The following HECW2 variants were observed in gnomAD, a reference collection of about 807,000 sequenced individuals.
HECW2 encodes HECT, C2 and WW domain containing E3 ubiquitin protein ligase 2.
HECW2 carries 61 observed loss-of-function variants against 175.2 expected under a neutral mutation model. That is an observed-to-expected ratio of 0.35 (90% CI 0.28 to 0.43). The LOEUF (loss-of-function observed/expected upper bound fraction) is 0.43. HECW2 is among the 20% of genes least tolerant of loss of function. The probability of loss-of-function intolerance (pLI) is 1.00; values close to 1 mark genes in which losing one functional copy is unlikely to be tolerated. For synonymous variants in HECW2, 671 were observed against 731.0 expected, an observed-to-expected ratio of 0.92 and a Z score of 1.32; for missense variants, 1,524 against 2,000.5, an observed-to-expected ratio of 0.76 and a Z score of 4.54.
intron 1 of HECW2, among the ~76,000 whole-genome samples, chr2:196,554,910 A>T (rs919960274): frequency 6.6e-6 from 1 of 152,198 alleles, no homozygotes; most frequent in African/African-American, 2.4e-5. Flanking sequence ...CAAGAGACCA[A>T]AAAATCCCTG....
intron 21 of HECW2, among the ~76,000 whole-genome samples, chr2:196,230,984 TC>T (rs1230483867): frequency 6.8e-6 from 1 of 147,070 alleles, no homozygotes; most frequent in African/African-American, 2.5e-5. Flanking sequence ...ATGCCTGTAA[TC>T]CCAGCTACTC....
intron 3 of HECW2, among the ~76,000 whole-genome samples, chr2:196,341,575 T>C (rs555679258): frequency 6.6e-6 from 1 of 152,376 alleles, no homozygotes; most frequent in Non-Finnish European, 1.5e-5. Context: ...CATTCACATG[T>C]TGGCAAGTTT....
chr2:196,528,477 C>T (rs1434499848), intron 1 of HECW2, among the ~76,000 whole-genome samples: 1 of 152,182 alleles, frequency 6.6e-6, no homozygotes, highest in Admixed American at 6.5e-5. Flanking sequence ...AACAACCAAA[C>T]ACTAATAGAT....
intron 13 of HECW2, among the ~76,000 whole-genome samples, chr2:196,306,102 C>G (rs1444912916): frequency 1.3e-5 from 2 of 151,968 alleles, no homozygotes; most frequent in East Asian, 3.8e-4. Flanking sequence ...ATAAAAGAAG[C>G]CTGAGAGAGC....
intron 2 of HECW2, among the ~76,000 whole-genome samples, chr2:196,394,040 AACTATC>A (rs1694590260): frequency 6.6e-6 from 1 of 152,106 alleles, no homozygotes. Flanking sequence ...ATTCTGAGCA[AACTATC>A]ACAAGGACAA....
At chr2:196,350,269 G>A (rs1266903830) in intron 2 of HECW2, among the ~76,000 whole-genome samples, 1 of 152,192 alleles carries the variant, frequency 6.6e-6, no homozygotes, top group Non-Finnish European at 1.5e-5. Context: ...GGAGGCTGAG[G>A]CAGGAGAACT....
intron 14 of HECW2, among the ~76,000 whole-genome samples, chr2:196,279,430 G>A (rs1000563272): frequency 2.0e-5 from 3 of 151,992 alleles, no homozygotes; most frequent in African/African-American, 7.3e-5. Flanking sequence ...TTTTCTCACT[G>A]TAGTGTCCTC....
At chr2:196,446,938 A>C (rs1265092116) in intron 1 of HECW2, among the ~76,000 whole-genome samples, 1 of 152,230 alleles carries the variant, frequency 6.6e-6, no homozygotes, top group Non-Finnish European at 1.5e-5. Context: ...TTCCATTCTG[A>C]AGGAACTTAC....
At chr2:196,329,081 G>A (rs74609048) in intron 5 of HECW2, among the ~76,000 whole-genome samples, 2,989 of 151,806 alleles carry the variant, frequency 0.02, 90 homozygotes, top group African/African-American at 0.069. Flanking sequence ...TTGAAAAGCC[G>A]TGCTTTACTT....
chr2:196,217,204 C>A, intron 26 of HECW2, 111 bp from the exon 27 acceptor site: 1 of 703,998 alleles, frequency 1.4e-6, no homozygotes, highest in Non-Finnish European at 2.4e-6. Flanking sequence ...GAATTCTTTA[C>A]AAGTTGTCTA....
chr2:196,260,044 A>C (rs1689225567), intron 17 of HECW2: 1 of 152,206 alleles, frequency 6.6e-6, no homozygotes, highest in Admixed American at 6.5e-5. Flanking sequence ...GAGTGATGGT[A>C]GATATCAGGC....
intron 1 of HECW2, among the ~76,000 whole-genome samples, chr2:196,488,968 G>A (rs1222539693): frequency 6.6e-6 from 1 of 151,700 alleles, no homozygotes; most frequent in Admixed American, 6.6e-5. Context: ...AAAAGCAAAG[G>A]GAAAAATATT....
chr2:196,482,267 G>T (rs1047019718), intron 1 of HECW2, among the ~76,000 whole-genome samples: 3 of 152,214 alleles, frequency 2.0e-5, no homozygotes, highest in Non-Finnish European at 2.9e-5. Flanking sequence ...CAGCTATAGG[G>T]CTCCCCCTTC....
chr2:196,242,257 T>C lies in HECW2; in HGVS notation c.3530-53A>G, dbSNP rs200044130. On this transcript the variant is annotated intron_variant, in intron 19 of 28. Coordinates refer to ENST00000644978, the MANE Select transcript of HECW2 (RefSeq NM_001348768.2). ...TCTGGATTTGTGCCTCGTCCTTATG[T>C]TCATCACATCACCATGGACAAAAGC... The C allele has an allele frequency of 1.3e-4, 206 of 1,609,864 alleles. 5 individuals carry two copies. In the South Asian group the frequency reaches 1.6e-3, roughly 12 times the overall value.
At chr2:196,584,886 T>C (rs974511995) in intron 1 of HECW2, among the ~76,000 whole-genome samples, 1 of 152,166 alleles carries the variant, frequency 6.6e-6, no homozygotes, top group Non-Finnish European at 1.5e-5. Context: ...GTTTTTTCAT[T>C]TGTTGCTTAT....
At chr2:196,229,412 C>G (rs181119152) in intron 21 of HECW2, among the ~76,000 whole-genome samples, 1 of 152,096 alleles carries the variant, frequency 6.6e-6, no homozygotes, top group Non-Finnish European at 1.5e-5. Context: ...GTAATCCCAG[C>G]ACTTTGGGAA....
At chr2:196,412,834 C>A (rs879020904) in intron 2 of HECW2, among the ~76,000 whole-genome samples, 1 of 152,142 alleles carries the variant, frequency 6.6e-6, no homozygotes, top group Admixed American at 6.5e-5. Flanking sequence ...AAATACTGCC[C>A]ATGAATCATA....
chr2:196,491,369 T>TATACACAC (rs1275717195), intron 1 of HECW2, among the ~76,000 whole-genome samples: 84 of 130,662 alleles, frequency 6.4e-4, no homozygotes, highest in African/African-American at 2.4e-3. Context: ...CATATATATA[T>TATACACAC]ACACACACAC....
At chr2:196,517,342 T>C (rs1037504802) in intron 1 of HECW2, among the ~76,000 whole-genome samples, 5 of 152,210 alleles carry the variant, frequency 3.3e-5, no homozygotes, top group Admixed American at 3.3e-4. Context: ...TCATACCCTT[T>C]ATACTAAATC....
Sources: gnomAD v4.1 joint callset for allele counts (sites outside exome capture counted in the v4.1 genomes callset) on GRCh38, gnomAD v4.1.1 for gene constraint, MANE v1.5 for transcripts, NCBI Gene and HGNC (gene_info 2026-07-23, HGNC 2026-07-21) for gene names.